OAS2: variants seen among roughly 807,000 people sequenced by gnomAD.
OAS2 encodes the protein 2'-5'-oligoadenylate synthase 2.
Under a neutral mutation model 71.3 loss-of-function variants are expected in OAS2, and 67 were observed. The ratio of observed to expected loss-of-function variants is 0.94; its 90% CI spans 0.77 to 1.15. The LOEUF is 1.15. Among genes scored for constraint, OAS2 ranks in the 50% most tolerant of loss-of-function variants. The pLI, the probability that OAS2 is intolerant of heterozygous loss-of-function variation, is 0.00. For synonymous variants in OAS2, 327 were observed against 321.8 expected (o/e 1.02, Z -0.17); for missense variants, 789 against 822.5 (o/e 0.96, Z 0.50).
In OAS2 at chr12:113,009,825, C is replaced by G. The variant is rs1404126148; in HGVS notation, c.*570C>G. On this transcript the variant is annotated 3_prime_UTR_variant, in exon 10 of 10. Coordinates refer to ENST00000392583, the MANE Select transcript of OAS2 (RefSeq NM_002535.3). ...CTGTGGACGTGGGTTGCACTGGCCA[C>G]CCAAGGATGTCTGCCACACCTCTCC... The G allele has an allele frequency of 1.0e-6, 1 of 986,526 alleles. No individual in the cohort carries two copies. The highest frequency in any genetic ancestry group is 1.2e-6 in the Non-Finnish European group (1 of 830,916). The allele number at this position is 986,526 out of a possible 1,614,324, so 61.1% of individuals were successfully genotyped here.
chr12:113,002,977 A>G lies in OAS2; in HGVS notation c.1054A>G (p.Ile352Val), dbSNP rs766613230. The G allele has an allele frequency of 1.9e-6, 3 of 1,614,112 alleles. No homozygotes were observed. The highest frequency in any genetic ancestry group is 2.5e-6 in the Non-Finnish European group (3 of 1,179,948). The change falls in exon 6 of 10, where the codon ATC (isoleucine) becomes GTC (valine). Residue 352 changes from isoleucine (I) to valine (V), a missense_variant. By Grantham distance (29) the Ile-to-Val change is conservative. Transcript: ENST00000392583. ...CCCAGGCCACCTTCTGGATAAGTTC[A>G]TCAAGGAGTTTCTCCAGCCCAACAA... Reference protein sequence around the residue: ...TTPGHLLDKFIKEFLQPNKCF... With the variant: ...TTPGHLLDKFVKEFLQPNKCF...
At chr12:113,005,541 C>T (rs925062434) in intron 7 of OAS2, among the ~76,000 whole-genome samples, 3 of 151,138 alleles carry the variant, frequency 2.0e-5, no homozygotes, top group Non-Finnish European at 4.4e-5. Flanking sequence ...AGTGAGACTC[C>T]GTCTGAAAAC....
intron 9 of OAS2, among the ~76,000 whole-genome samples, chr12:113,008,253 G>C (rs1459817339): frequency 6.6e-6 from 1 of 152,146 alleles, no homozygotes; most frequent in African/African-American, 2.4e-5. Context: ...TTATCCTGCA[G>C]GGTTTTTATT....
chr12:112,999,730 C>CA (rs1010457687), intron 5 of OAS2, among the ~76,000 whole-genome samples: 19 of 152,124 alleles, frequency 1.2e-4, no homozygotes, highest in African/African-American at 4.6e-4. Flanking sequence ...CAGATTTTTT[C>CA]AAAAAATTAT....
At chr12:113,008,375 G>A (rs1465657865) in intron 9 of OAS2, among the ~76,000 whole-genome samples, 1 of 152,130 alleles carries the variant, frequency 6.6e-6, no homozygotes, top group Non-Finnish European at 1.5e-5. Context: ...GGAAAGGAAA[G>A]AGAGAAAATA....
chr12:112,985,400 T>A (rs2044125255), intron 1 of OAS2, among the ~76,000 whole-genome samples: 1 of 152,220 alleles, frequency 6.6e-6, no homozygotes, highest in Non-Finnish European at 1.5e-5. Context: ...TGTCTTCAAG[T>A]TTAGAAATTC....
intron 5 of OAS2, among the ~76,000 whole-genome samples, chr12:112,999,018 A>G (rs2239193): frequency 0.097 from 14,811 of 152,262 alleles, 934 homozygotes; most frequent in East Asian, 0.32. Context: ...GGGGGTACCC[A>G]AAGATGCGAG....
chr12:112,998,144 G>T (rs2044252632), intron 4 of OAS2, 122 bp from the exon 5 acceptor site: 3 of 1,036,884 alleles, frequency 2.9e-6, no homozygotes, highest in Non-Finnish European at 4.3e-6. Context: ...CAGCAGCTTG[G>T]AGGAGCTGCA....
At chr12:113,008,056 A>G (rs1445696051) in intron 9 of OAS2, 113 bp downstream of exon 9, 2 of 787,346 alleles carry the variant, frequency 2.5e-6, no homozygotes, top group Non-Finnish European at 4.4e-6. Flanking sequence ...TGACGGGGGA[A>G]AGTGCTAGCC....
chr12:113,005,664 C>T (rs891104806), intron 7 of OAS2, among the ~76,000 whole-genome samples: 8 of 151,158 alleles, frequency 5.3e-5, no homozygotes, highest in Non-Finnish European at 8.8e-5. Context: ...TCCAGGAGTT[C>T]GAGACCAGCC....
At chr12:112,980,662 C>T (rs1387137589) in intron 1 of OAS2, among the ~76,000 whole-genome samples, 1 of 152,110 alleles carries the variant, frequency 6.6e-6, no homozygotes, top group Non-Finnish European at 1.5e-5. Context: ...TGGTTGATTC[C>T]ATATCTTGGC....
intron 2 of OAS2, chr12:112,988,375 G>A (rs2040807): frequency 0.23 from 84,986 of 362,652 alleles, 10,257 homozygotes; most frequent in East Asian, 0.41. Context: ...GACAGGAAAA[G>A]GAAAATGATG....
rs574242023 is a variant in OAS2, at chr12:112,981,935, A to AGTTAAATGCATTCCTAGGTATTTTT, written c.177+3158_177+3182dup. Among the ~76,000 whole-genome samples, 179 of 152,186 alleles carry AGTTAAATGCATTCCTAGGTATTTTT rather than the reference A, an allele frequency of 1.2e-3. 3 individuals carry two copies. The highest frequency in any genetic ancestry group is 9.8e-3 in the East Asian group (51 of 5,184). The stretch of plus-strand genomic sequence containing the variant: ...CACTGTAGAGATCTTTCACTTCCTT[A>AGTTAAATGCATTCCTAGGTATTTTT]GTTAAATGCATTCCTAGGTATTTTT... On this transcript the variant is annotated intron_variant, in intron 1 of 9. Transcript: ENST00000392583.
intron 2 of OAS2, 114 bp from the exon 3 acceptor site, chr12:112,995,182 T>A: frequency 1.1e-6 from 1 of 918,286 alleles, no homozygotes; most frequent in South Asian, 1.7e-5. Flanking sequence ...CTCTGACCGA[T>A]TAAGCAAGAG....
intron 9 of OAS2, among the ~76,000 whole-genome samples, chr12:113,008,269 A>G (rs2044351864): frequency 6.6e-6 from 1 of 152,164 alleles, no homozygotes; most frequent in African/African-American, 2.4e-5. Context: ...TTATTGGGTT[A>G]GGGTTTATCT....
intron 5 of OAS2, among the ~76,000 whole-genome samples, chr12:113,001,383 T>C (rs113641245): frequency 0.064 from 3,760 of 58,514 alleles, 161 homozygotes; most frequent in African/African-American, 0.33. Context: ...CACACACACA[T>C]ATACACATAT....
At chr12:113,004,533 CA>C (rs2044314175) in intron 6 of OAS2, among the ~76,000 whole-genome samples, 1 of 152,168 alleles carries the variant, frequency 6.6e-6, no homozygotes, top group African/African-American at 2.4e-5. Flanking sequence ...GCCAGACCTG[CA>C]GGAGAAAACA....
At chr12:112,988,318 G>C in intron 2 of OAS2, 1 of 713,690 alleles carries the variant, frequency 1.4e-6, no homozygotes, top group Non-Finnish European at 1.7e-6. Context: ...AGCCAGAGTA[G>C]GTTCAGAGAG....
intron 5 of OAS2, among the ~76,000 whole-genome samples, chr12:112,999,702 T>A (rs2044266955): frequency 6.6e-6 from 1 of 152,100 alleles, no homozygotes; most frequent in Admixed American, 6.5e-5. Flanking sequence ...TGACCCCAAT[T>A]TTCCCGGCTT....
Sources: allele counts gnomAD v4.1 joint callset (sites outside exome capture counted in the v4.1 genomes callset), GRCh38; gene constraint gnomAD v4.1.1; transcripts MANE v1.5; gene names NCBI Gene and HGNC (gene_info 2026-07-23, HGNC 2026-07-21).